The following RPS6KC1 variants were observed in gnomAD, a reference collection of about 807,000 sequenced individuals.
RPS6KC1 encodes inactive ribosomal protein S6 kinase delta-1.
A neutral mutation model predicts 103.8 loss-of-function variants in RPS6KC1; 54 were observed. That is an observed-to-expected ratio of 0.52 (90% CI 0.42 to 0.65). The LOEUF (loss-of-function observed/expected upper bound fraction) is 0.65. RPS6KC1 is among the 30% of genes least tolerant of loss of function. The pLI is 0.00. For synonymous variants in RPS6KC1, 439 were observed against 438.7 expected, an observed-to-expected ratio of 1.00 and a Z score of -0.01; for missense variants, 1,151 against 1,253.8, an observed-to-expected ratio of 0.92 and a Z score of 1.24.
At chr1:213,722,778 G>A in the RPS6KC1 span, among the ~76,000 whole-genome samples, 25 of 152,154 alleles carry the variant, frequency 1.6e-4, no homozygotes, top group Non-Finnish European at 5.9e-5. Flanking sequence ...AGAGGAGTCC[G>A]ACTGTGGACT....
chr1:213,649,614 A>C, the RPS6KC1 span, among the ~76,000 whole-genome samples: 8 of 152,082 alleles, frequency 5.3e-5, no homozygotes, highest in Non-Finnish European at 1.0e-4. Flanking sequence ...CCAGGTAGAA[A>C]TGGCCACTCC....
At chr1:213,355,207 ACT>A in the RPS6KC1 span, among the ~76,000 whole-genome samples, 4 of 150,928 alleles carry the variant, frequency 2.7e-5, no homozygotes, top group African/African-American at 7.3e-5. Context: ...ACAGAGTGAG[ACT>A]CTGTCTCACA....
chr1:213,603,913 C>T, the RPS6KC1 span, among the ~76,000 whole-genome samples: 2 of 151,868 alleles, frequency 1.3e-5, no homozygotes, highest in Non-Finnish European at 2.9e-5. Context: ...TTTTCTGTTT[C>T]CCCACTCCAC....
chr1:213,481,196 T>C, the RPS6KC1 span, among the ~76,000 whole-genome samples: 1 of 152,334 alleles, frequency 6.6e-6, no homozygotes, highest in Non-Finnish European at 1.5e-5. Context: ...TAAAATTTTC[T>C]GTCCCTGAAG....
chr1:213,789,956 T>C, the RPS6KC1 span, among the ~76,000 whole-genome samples: 1 of 152,180 alleles, frequency 6.6e-6, no homozygotes, highest in Non-Finnish European at 1.5e-5. Flanking sequence ...CAACTTTCAA[T>C]GGTTTGTAAC....
the RPS6KC1 span, among the ~76,000 whole-genome samples, chr1:213,774,669 G>A: frequency 8.5e-5 from 13 of 152,310 alleles, no homozygotes; most frequent in South Asian, 6.2e-4. Flanking sequence ...GGAATAGTCC[G>A]TGTGTGTATT....
the RPS6KC1 span, among the ~76,000 whole-genome samples, chr1:213,795,868 G>T: frequency 4.5e-4 from 68 of 152,080 alleles, no homozygotes; most frequent in Admixed American, 1.1e-3. Flanking sequence ...CTTTTCCTGT[G>T]CCCTTGGCTG....
chr1:213,559,233 G>A, the RPS6KC1 span, among the ~76,000 whole-genome samples: 1 of 152,182 alleles, frequency 6.6e-6, no homozygotes, highest in Admixed American at 6.5e-5. Flanking sequence ...TAGTGACCGA[G>A]CTTGGTCTAG....
chr1:213,229,323 A>G (rs1230806907), intron 8 of RPS6KC1, among the ~76,000 whole-genome samples: 2 of 152,070 alleles, frequency 1.3e-5, no homozygotes, highest in African/African-American at 4.8e-5. Flanking sequence ...TTTCAAGCTT[A>G]ACATCTTTTT....
At chr1:213,646,680 A>G in the RPS6KC1 span, among the ~76,000 whole-genome samples, 13 of 152,018 alleles carry the variant, frequency 8.6e-5, no homozygotes, top group Non-Finnish European at 1.6e-4. Flanking sequence ...CATGCAGGGC[A>G]GGATGAAGGA....
At chr1:213,495,320 C>T in the RPS6KC1 span, among the ~76,000 whole-genome samples, 7 of 151,900 alleles carry the variant, frequency 4.6e-5, no homozygotes, top group African/African-American at 9.7e-5. Flanking sequence ...ACCCCCACCC[C>T]GCTTTTTTTT....
At chr1:213,053,536 G>T (rs1025966392) in intron 1 of RPS6KC1, among the ~76,000 whole-genome samples, 2 of 152,220 alleles carry the variant, frequency 1.3e-5, no homozygotes, top group African/African-American at 4.8e-5. Context: ...ACTCATAGTA[G>T]AAGAGAGTTT....
At chr1:213,571,597 T>C in the RPS6KC1 span, among the ~76,000 whole-genome samples, 1 of 152,304 alleles carries the variant, frequency 6.6e-6, no homozygotes, top group South Asian at 2.1e-4. Flanking sequence ...ACAATCTGTG[T>C]CCCTTTTGCT....
chr1:213,086,996 G>A (rs970441053), intron 3 of RPS6KC1, among the ~76,000 whole-genome samples: 16 of 151,948 alleles, frequency 1.1e-4, no homozygotes, highest in African/African-American at 3.9e-4. Flanking sequence ...GTCTCCTAAT[G>A]CCTACCTGTT....
the RPS6KC1 span, among the ~76,000 whole-genome samples, chr1:213,694,191 A>G: frequency 6.6e-6 from 1 of 152,174 alleles, no homozygotes; most frequent in Admixed American, 6.5e-5. Context: ...CTCTGCTCCC[A>G]CTGACTTTAA....
intron 8 of RPS6KC1, 50 bp downstream of exon 8, chr1:213,176,542 C>G (rs1164959028): frequency 1.6e-6 from 2 of 1,212,894 alleles, no homozygotes. Context: ...CGACTGCATG[C>G]TGACATTCTG....
intron 8 of RPS6KC1, among the ~76,000 whole-genome samples, chr1:213,214,318 G>A (rs970483067): frequency 1.4e-4 from 22 of 152,252 alleles, no homozygotes; most frequent in African/African-American, 1.2e-4. Flanking sequence ...AGGCGGCAGC[G>A]AGGCTGGGGA....
intron 8 of RPS6KC1, among the ~76,000 whole-genome samples, chr1:213,216,622 T>C (rs2093670133): frequency 1.4e-4 from 21 of 150,342 alleles, no homozygotes; most frequent in South Asian, 8.4e-4. Flanking sequence ...TACTTGGAAG[T>C]AAAGCTCTCC....
At chr1:213,256,814 T>TA (rs2094655768) in intron 12 of RPS6KC1, among the ~76,000 whole-genome samples, 1 of 152,160 alleles carries the variant, frequency 6.6e-6, no homozygotes, top group Admixed American at 6.5e-5. Context: ...GCCTACTTCT[T>TA]AGACTCTGCA....
Sources: gnomAD v4.1 joint callset for allele counts (sites outside exome capture counted in the v4.1 genomes callset) on GRCh38, gnomAD v4.1.1 for gene constraint, MANE v1.5 for transcripts, NCBI Gene and HGNC (gene_info 2026-07-23, HGNC 2026-07-21) for gene names.